Variants in EPHA3 observed in about 807,000 individuals in gnomAD.
The protein encoded by EPHA3 is EPH receptor A3.
EPHA3 carries 42 observed loss-of-function variants against 107.1 expected under a neutral mutation model. The observed-to-expected ratio is 0.39, with a 90% CI of 0.31 to 0.51. The LOEUF (loss-of-function observed/expected upper bound fraction) is 0.51, where lower values mean the gene tolerates loss of function less well. EPHA3 is among the 20% of genes least tolerant of loss of function. The probability of loss-of-function intolerance (pLI) is 0.78; values close to 1 mark genes in which losing one functional copy is unlikely to be tolerated. For synonymous variants in EPHA3, 461 were observed against 424.8 expected, an observed-to-expected ratio of 1.09 and a Z score of -1.05; for missense variants, 1,183 against 1,211.2, an observed-to-expected ratio of 0.98 and a Z score of 0.35.
chr3:89,244,306 G>T (rs1175407905), intron 3 of EPHA3, among the ~76,000 whole-genome samples: 1 of 151,838 alleles, frequency 6.6e-6, no homozygotes, highest in Non-Finnish European at 1.5e-5. Context: ...TTTTGTTTAT[G>T]TTGCTTATGT....
intron 5 of EPHA3, among the ~76,000 whole-genome samples, chr3:89,373,163 T>G (rs1708340354): frequency 1.3e-5 from 2 of 151,898 alleles, no homozygotes; most frequent in African/African-American, 4.8e-5. Context: ...ATTTCAAGTC[T>G]TTGCAAGGGC....
intron 9 of EPHA3, among the ~76,000 whole-genome samples, chr3:89,409,845 C>G (rs1709124497): frequency 6.6e-6 from 1 of 152,024 alleles, no homozygotes; most frequent in Non-Finnish European, 1.5e-5. Context: ...TGTCCCCTTG[C>G]CCTTTCTGGC....
At chr3:89,119,423 C>T (rs938701182) in intron 1 of EPHA3, among the ~76,000 whole-genome samples, 1 of 152,094 alleles carries the variant, frequency 6.6e-6, no homozygotes, top group Non-Finnish European at 1.5e-5. Context: ...TTTCCATTGA[C>T]ACCATGCTCC....
chr3:89,271,975 TC>T (rs1432027696), intron 3 of EPHA3, among the ~76,000 whole-genome samples: 1 of 151,964 alleles, frequency 6.6e-6, no homozygotes, highest in Non-Finnish European at 1.5e-5. Flanking sequence ...GATGATCCAC[TC>T]CCATTTAATA....
At chr3:89,310,894 A>G (rs1553681005) in intron 3 of EPHA3, among the ~76,000 whole-genome samples, 4 of 151,918 alleles carry the variant, frequency 2.6e-5, no homozygotes, top group Non-Finnish European at 2.9e-5. Flanking sequence ...CTTAGCCTGT[A>G]TTTTTTTGAA....
At chr3:89,447,676 A>G (rs1709902975) in intron 13 of EPHA3, among the ~76,000 whole-genome samples, 1 of 152,194 alleles carries the variant, frequency 6.6e-6, no homozygotes, top group Non-Finnish European at 1.5e-5. Context: ...TTTGCTCAGA[A>G]TATGAGAGTA....
At chr3:89,266,772 C>T (rs888068204) in intron 3 of EPHA3, among the ~76,000 whole-genome samples, 2 of 151,908 alleles carry the variant, frequency 1.3e-5, no homozygotes, top group Non-Finnish European at 2.9e-5. Flanking sequence ...AAAAAATAAT[C>T]ATTTACAAAA....
At chr3:89,251,111 G>A (rs1374779695) in intron 3 of EPHA3, among the ~76,000 whole-genome samples, 1 of 152,138 alleles carries the variant, frequency 6.6e-6, no homozygotes, top group Non-Finnish European at 1.5e-5. Flanking sequence ...TTTTGCCCTT[G>A]AAAATTTAGA....
Position 89,210,488 on chromosome 3 carries a change from C to A in EPHA3, c.782C>A (p.Ala261Asp). 1 of 1,569,534 alleles carries A rather than the reference C, an allele frequency of 6.4e-7. No individual in the cohort carries two copies. The highest frequency in any genetic ancestry group is 1.2e-5 in the South Asian group (1 of 82,846). Residue 261 changes from alanine (A) to aspartate (D), a missense_variant, in exon 3 of 17, where the codon GCT becomes GAT. Coordinates refer to ENST00000336596, the MANE Select transcript of EPHA3 (RefSeq NM_005233.6). ...CCCATTGGCAAGTGTTCCTGCAATG[C>A]TGGCTATGAAGAAAGAGGTTTTATG... is the stretch of plus-strand genomic sequence containing the variant. The part of the protein sequence containing the change: ...LVPIGKCSCN[A>D]GYEERGFMCQ...
chr3:89,172,146 T>C lies in EPHA3; in HGVS notation c.154-37714T>C, dbSNP rs797021433. Reference sequence around the variant, plus strand: ...AAGGTTATTAGCATATTGTTATAAATGTTAATGGCCTGACAGCAAGGATGG... The same window carrying C: ...AAGGTTATTAGCATATTGTTATAAACGTTAATGGCCTGACAGCAAGGATGG... On this transcript the variant is annotated intron_variant, in intron 2 of 16. Coordinates refer to ENST00000336596, the MANE Select transcript of EPHA3 (RefSeq NM_005233.6). Among the ~76,000 whole-genome samples, 4 of 152,022 alleles carry C rather than the reference T, an allele frequency of 2.6e-5. 1 individual carries two copies. The highest frequency in any genetic ancestry group is 6.8e-3 in the Middle Eastern group (2 of 294).
intron 3 of EPHA3, among the ~76,000 whole-genome samples, chr3:89,320,630 G>C (rs543625687): frequency 4.0e-5 from 6 of 151,714 alleles, no homozygotes; most frequent in African/African-American, 1.5e-4. Context: ...TACATGGCAA[G>C]ATTTTTTAAA....
At chr3:89,472,739 T>C (rs1344047311) in intron 16 of EPHA3, 120 bp downstream of exon 16, 1 of 1,170,520 alleles carries the variant, frequency 8.5e-7, no homozygotes, top group Admixed American at 2.5e-5. Flanking sequence ...AGATCTGAGG[T>C]ACTGACTACC....
Position 89,398,218 on chromosome 3 carries a change from T to A in EPHA3, c.1432-1100T>A, listed in dbSNP as rs114685060. On this transcript the variant is annotated intron_variant, in intron 6 of 16. Coordinates refer to ENST00000336596, the MANE Select transcript of EPHA3 (RefSeq NM_005233.6). ...TTGGTTGAGGATATACAGCGTTTCA[T>A]ATTATCCACTCTAGGTCCTACTCTA... Among the ~76,000 whole-genome samples, 808 of 152,314 alleles carry A rather than the reference T, an allele frequency of 5.3e-3. 9 individuals carry two copies. The highest frequency in any genetic ancestry group is 0.018 in the African/African-American group (765 of 41,566).
At chr3:89,132,836 G>T (rs556903736) in intron 2 of EPHA3, among the ~76,000 whole-genome samples, 17 of 152,218 alleles carry the variant, frequency 1.1e-4, no homozygotes, top group Admixed American at 5.2e-4. Flanking sequence ...GCTGCAGTGG[G>T]GTACGACTGA....
At chr3:89,149,588 CTCA>C (rs1280806037) in intron 2 of EPHA3, among the ~76,000 whole-genome samples, 3 of 151,346 alleles carry the variant, frequency 2.0e-5, no homozygotes, top group Non-Finnish European at 4.4e-5. Flanking sequence ...CACCCATTAA[CTCA>C]TCATTTAACA....
intron 3 of EPHA3, among the ~76,000 whole-genome samples, chr3:89,257,204 C>T (rs1256170623): frequency 6.6e-6 from 1 of 152,186 alleles, no homozygotes; most frequent in East Asian, 1.9e-4. Context: ...CAGACCAAAA[C>T]ACTTGAGGCA....
intron 2 of EPHA3, among the ~76,000 whole-genome samples, chr3:89,195,834 C>G (rs1705825865): frequency 6.6e-6 from 1 of 152,164 alleles, no homozygotes; most frequent in Non-Finnish European, 1.5e-5. Flanking sequence ...GTACTTAAAT[C>G]TAATTGTTGC....
intron 5 of EPHA3, among the ~76,000 whole-genome samples, chr3:89,347,534 T>C (rs1707698751): frequency 6.7e-6 from 1 of 148,524 alleles, no homozygotes; most frequent in East Asian, 1.9e-4. Context: ...TGGGGTTTTC[T>C]AGATATACAA....
Position 89,480,528 on chromosome 3 carries a change from A to G in EPHA3, c.*1026A>G. 1 of 233,224 alleles carries G rather than the reference A, an allele frequency of 4.3e-6. No homozygotes were observed. Among genetic ancestry groups the G allele is most frequent in the Non-Finnish European group, 8.5e-6 (1 of 117,784 alleles). The allele number at this position is 233,224 out of a possible 1,614,324, so 14.4% of individuals were successfully genotyped here. On this transcript the variant is annotated 3_prime_UTR_variant, in exon 17 of 17. Coordinates refer to ENST00000336596, the MANE Select transcript of EPHA3 (RefSeq NM_005233.6). Reference sequence around the variant, plus strand: ...TCCTTTAGTGAAGGAGCCGTGTTAGAGCTTCCGAGAATAGCTCCACTGGAG... The same window carrying G: ...TCCTTTAGTGAAGGAGCCGTGTTAGGGCTTCCGAGAATAGCTCCACTGGAG...
Sources: allele counts gnomAD v4.1 joint callset (sites outside exome capture counted in the v4.1 genomes callset), GRCh38; gene constraint gnomAD v4.1.1; transcripts MANE v1.5; gene names NCBI Gene and HGNC (gene_info 2026-07-23, HGNC 2026-07-21).